The following TOPBP1 variants were observed in gnomAD, a reference collection of about 807,000 sequenced individuals.
TOPBP1 encodes DNA topoisomerase II binding protein 1.
In TOPBP1, 28 loss-of-function variants were observed where a neutral mutation model predicts 167.7. That is an observed-to-expected ratio of 0.17 (90% CI 0.12 to 0.23). The LOEUF (loss-of-function observed/expected upper bound fraction) is 0.23, where lower values mean the gene tolerates loss of function less well. TOPBP1 is among the 10% of genes least tolerant of loss of function. TOPBP1 has a pLI of 1.00. For synonymous variants in TOPBP1, 598 were observed against 611.4 expected (o/e 0.98, Z 0.32); for missense variants, 1,554 against 1,809.6 (o/e 0.86, Z 2.56).
intron 14 of TOPBP1, among the ~76,000 whole-genome samples, chr3:133,631,048 GCA>G (rs1935457080): frequency 1.3e-5 from 2 of 152,200 alleles, no homozygotes; most frequent in East Asian, 1.9e-4. Flanking sequence ...AATTAGCTGG[GCA>G]CAGTGTCATG....
At chr3:133,620,906 T>A (rs1935070631) in intron 19 of TOPBP1, among the ~76,000 whole-genome samples, 1 of 151,836 alleles carries the variant, frequency 6.6e-6, no homozygotes, top group Non-Finnish European at 1.5e-5. Flanking sequence ...AGACCTGTAG[T>A]GATTATCCCT....
intron 10 of TOPBP1, among the ~76,000 whole-genome samples, chr3:133,645,255 G>A (rs1936035887): frequency 1.3e-5 from 2 of 152,164 alleles, no homozygotes; most frequent in Non-Finnish European, 2.9e-5. Context: ...CTAAACATAA[G>A]TATTAAAATT....
rs1936222781 is a variant in TOPBP1 at position 133,649,789 on chromosome 3, G to A, written c.1244C>T (p.Ser415Leu). ...DDELKQFWNK[S>L]AHRPHVVGAK... is the part of the protein sequence containing the mutation. ...TAAAAACGAAAAAAACCTGTGGGCT[G>A]ATTTATTCCAAAACTGCTTCAATTC... Residue 415 changes from serine to leucine, a missense_variant, in exon 9 of 28, where the codon TCA becomes TTA. Transcript: ENST00000260810. 6.3e-7 allele frequency: 1 copy of A among 1,594,494 alleles called. No individual in the cohort carries two copies. The highest frequency in any genetic ancestry group is 1.9e-5 in the Admixed American group (1 of 53,950).
At chr3:133,611,832 G>T (rs1934693073) in intron 24 of TOPBP1, among the ~76,000 whole-genome samples, 2 of 152,160 alleles carry the variant, frequency 1.3e-5, no homozygotes, top group African/African-American at 4.8e-5. Flanking sequence ...GACCTCCTGG[G>T]CTCAAGCAAT....
intron 1 of TOPBP1, among the ~76,000 whole-genome samples, chr3:133,661,452 A>T (rs1008417968): frequency 6.6e-6 from 1 of 152,204 alleles, no homozygotes; most frequent in East Asian, 1.9e-4. Context: ...GGATACACAG[A>T]GTGTATCTGT....
intron 27 of TOPBP1, among the ~76,000 whole-genome samples, chr3:133,606,032 C>CA (rs57543670): frequency 4.1e-4 from 60 of 145,364 alleles, no homozygotes; most frequent in Middle Eastern, 3.5e-3. Flanking sequence ...TTCCCCTTGC[C>CA]AAAAAAAAAA....
At chr3:133,613,585 C>T (rs1178492296) in intron 23 of TOPBP1, among the ~76,000 whole-genome samples, 1 of 151,944 alleles carries the variant, frequency 6.6e-6, no homozygotes, top group Non-Finnish European at 1.5e-5. Flanking sequence ...GAAGAAAACA[C>T]ACACAGATAA....
In TOPBP1 at chr3:133,628,678, G is replaced by T; in HGVS notation, c.2576C>A (p.Pro859Gln). 6.4e-7 allele frequency: 1 copy of T among 1,564,300 alleles called. No individual in the cohort carries two copies. Among genetic ancestry groups the T allele is most frequent in the Non-Finnish European group, 8.7e-7 (1 of 1,153,376 alleles). ...AATAACTTCTGAGAGTGGCGTACTC[G>T]GTTTCCTTTTCTGTTGGCTGGGACG... is the stretch of plus-strand genomic sequence containing the variant. ...PGRPSQQKRK[P>Q]STPLSEVIVK... Residue 859 changes from proline (P) to glutamine (Q), a missense_variant, in exon 15 of 28, where the codon CCG becomes CAG. By Grantham distance (76) the Pro-to-Gln change is moderately conservative. Around this residue, in one of 3 missense-constraint regions of TOPBP1, gnomAD observed 1,197 missense variants for 1,351.5 expected, o/e 0.89. Coordinates refer to ENST00000260810, the MANE Select transcript of TOPBP1 (RefSeq NM_007027.4).
intron 27 of TOPBP1, 21 bp from the exon 28 acceptor site, chr3:133,601,414 G>T: frequency 7.0e-7 from 1 of 1,434,544 alleles, no homozygotes; most frequent in Non-Finnish European, 9.2e-7. Context: ...AAAAATAAGT[G>T]ATTTTTTAAA....
At chr3:133,630,190 G>T (rs1935422950) in intron 14 of TOPBP1, among the ~76,000 whole-genome samples, 1 of 151,750 alleles carries the variant, frequency 6.6e-6, no homozygotes, top group South Asian at 2.1e-4. Flanking sequence ...TCGCTTGTAT[G>T]AATATACTTT....
intron 23 of TOPBP1, among the ~76,000 whole-genome samples, chr3:133,613,136 C>T (rs1267682245): frequency 1.3e-5 from 2 of 152,200 alleles, no homozygotes; most frequent in Non-Finnish European, 2.9e-5. Flanking sequence ...GCTGGGATTA[C>T]AGGCGTGAGC....
intron 8 of TOPBP1, among the ~76,000 whole-genome samples, chr3:133,652,061 T>G (rs1936326358): frequency 6.6e-6 from 1 of 151,868 alleles, no homozygotes; most frequent in Admixed American, 6.6e-5. Context: ...GCCCAGGAGT[T>G]CAAGGTTACA....
chr3:133,653,783 C>T (rs559647440), intron 6 of TOPBP1, among the ~76,000 whole-genome samples: 7 of 152,142 alleles, frequency 4.6e-5, no homozygotes, highest in Admixed American at 4.6e-4. Flanking sequence ...ACGTGTGCCA[C>T]CATGTCTGGC....
At chr3:133,644,474 A>C in intron 10 of TOPBP1, 111 bp from the exon 11 acceptor site, 1 of 1,057,534 alleles carries the variant, frequency 9.5e-7, no homozygotes, top group African/African-American at 1.6e-5. Flanking sequence ...CATACTTACA[A>C]AACTAAAGCT....
intron 6 of TOPBP1, 85 bp downstream of exon 6, chr3:133,655,205 A>T (rs1936439150): frequency 3.3e-6 from 3 of 910,272 alleles, no homozygotes; most frequent in Non-Finnish European, 4.2e-6. Context: ...ACTCTGTCTC[A>T]AAATAAATAA....
chr3:133,660,449 A>T (rs1936656336), intron 2 of TOPBP1, among the ~76,000 whole-genome samples: 1 of 152,264 alleles, frequency 6.6e-6, no homozygotes, highest in Admixed American at 6.5e-5. Context: ...GAACACTTCA[A>T]TAAATACTTG....
chr3:133,613,196 T>A (rs368322363), intron 23 of TOPBP1, among the ~76,000 whole-genome samples: 3 of 152,178 alleles, frequency 2.0e-5, no homozygotes, highest in Non-Finnish European at 2.9e-5. Flanking sequence ...CTAGATACCA[T>A]GTTACTGACC....
At chr3:133,640,195 G>A (rs746436414) in intron 12 of TOPBP1, 25 bp from the exon 13 acceptor site, 1 of 1,588,038 alleles carries the variant, frequency 6.3e-7, no homozygotes, top group Admixed American at 1.8e-5. Context: ...TAAAGAAGTG[G>A]AAATGGTCAC....
In TOPBP1 at chr3:133,644,093, T is replaced by C. The variant is rs763110185; in HGVS notation, c.1775A>G (p.Asp592Gly). Residue 592 changes from aspartate (D) to glycine (G), a missense_variant, in exon 11 of 28, where the codon GAT becomes GGT. Around this residue, in one of 3 missense-constraint regions of TOPBP1, gnomAD observed 1,197 missense variants for 1,351.5 expected, o/e 0.89. Coordinates refer to ENST00000260810, the MANE Select transcript of TOPBP1 (RefSeq NM_007027.4). ...IMSLLSRTVA[D>G]YAVVPLLGCE... Reference sequence around the variant, plus strand: ...CCCCAGCAGAGGAACCACAGCATAATCCGCAACAGTTCTGCTCAGAAGGGA... The same window carrying C: ...CCCCAGCAGAGGAACCACAGCATAACCCGCAACAGTTCTGCTCAGAAGGGA... 2 of 1,613,904 alleles carry C rather than the reference T, an allele frequency of 1.2e-6. No individual in the cohort carries two copies. The highest frequency in any genetic ancestry group is 1.7e-5 in the Admixed American group (1 of 60,004).
Sources: allele counts gnomAD v4.1 joint callset (sites outside exome capture counted in the v4.1 genomes callset), GRCh38; gene constraint gnomAD v4.1.1; regional missense constraint gnomAD v4.1.1; transcripts MANE v1.5; gene names NCBI Gene and HGNC (gene_info 2026-07-23, HGNC 2026-07-21).